CDC73: variants seen among roughly 807,000 people sequenced by gnomAD.
CDC73 encodes the protein parafibromin.
CDC73 carries 21 observed loss-of-function variants against 83.7 expected under a neutral mutation model. The observed-to-expected ratio is 0.25, with a 90% CI of 0.18 to 0.36. CDC73 has a LOEUF of 0.36. Among genes scored for constraint, CDC73 ranks in the 10% least tolerant of loss-of-function variants. The pLI, the probability that CDC73 is intolerant of heterozygous loss-of-function variation, is 1.00. For missense variants in CDC73, 342 were observed against 653.3 expected (o/e 0.52, Z 5.19); for synonymous variants, 224 against 212.9 (o/e 1.05, Z -0.45).
chr1:193,138,691 C>CT (rs912554617), intron 6 of CDC73, among the ~76,000 whole-genome samples: 6 of 148,680 alleles, frequency 4.0e-5, no homozygotes, highest in African/African-American at 9.9e-5. Context: ...ACATTCTTTT[C>CT]TTTTTTTTGG....
chr1:193,135,385 C>A lies in CDC73; in HGVS notation c.308-6C>A. Reference sequence around the variant, plus strand: ...AATCCTTACGTGAATCTTTTTATGTCTTCAGCAACATCGGCAAGTATAGAC... The same window carrying A: ...AATCCTTACGTGAATCTTTTTATGTATTCAGCAACATCGGCAAGTATAGAC... On this transcript the variant is annotated splice_polypyrimidine_tract_variant and splice_region_variant and intron_variant, in intron 3 of 16. Transcript: ENST00000367435. The A allele has an allele frequency of 6.2e-7, 1 of 1,610,398 alleles. No homozygotes were observed. Among genetic ancestry groups the A allele is most frequent in the Non-Finnish European group, 8.5e-7 (1 of 1,176,724 alleles).
chr1:193,225,125 C>A (rs553796985), intron 13 of CDC73, among the ~76,000 whole-genome samples: 1 of 151,784 alleles, frequency 6.6e-6, no homozygotes, highest in African/African-American at 2.4e-5. Context: ...CAAATGAGAT[C>A]ATTCGATGTT....
intron 6 of CDC73, 142 bp downstream of exon 6, chr1:193,138,315 ATG>A (rs1316032269): frequency 2.9e-5 from 20 of 688,784 alleles, no homozygotes; most frequent in Admixed American, 6.3e-5. Flanking sequence ...TCGTAAGAAC[ATG>A]TGTGGGGATT....
intron 14 of CDC73, among the ~76,000 whole-genome samples, 184 bp downstream of exon 14, chr1:193,233,338 G>C (rs1476078116): frequency 6.6e-6 from 1 of 152,176 alleles, no homozygotes; most frequent in Non-Finnish European, 1.5e-5. Context: ...TAGGACTACA[G>C]GTGCATGCCA....
At chr1:193,160,398 C>G (rs1350932717) in intron 10 of CDC73, among the ~76,000 whole-genome samples, 5 of 151,858 alleles carry the variant, frequency 3.3e-5, no homozygotes, top group Non-Finnish European at 7.4e-5. Context: ...ACACAGAAAC[C>G]AGTTTGGAAA....
chr1:193,162,349 CA>C (rs1157828250), intron 10 of CDC73, among the ~76,000 whole-genome samples: 3 of 132,556 alleles, frequency 2.3e-5, no homozygotes, highest in Non-Finnish European at 4.6e-5. Context: ...ATTATATATA[CA>C]TATATATTAT....
intron 12 of CDC73, 75 bp from the exon 13 acceptor site, chr1:193,212,315 C>A: frequency 1.0e-6 from 1 of 987,396 alleles, no homozygotes; most frequent in South Asian, 1.6e-5. Flanking sequence ...AATTTATAAT[C>A]TTTTAACTTT....
chr1:193,184,553 G>A (rs1313780483), intron 10 of CDC73, among the ~76,000 whole-genome samples: 1 of 151,804 alleles, frequency 6.6e-6, no homozygotes, highest in Non-Finnish European at 1.5e-5. Context: ...GTAAAATGCT[G>A]TTCAGTACAC....
chr1:193,224,409 A>G (rs1403219692), intron 13 of CDC73, among the ~76,000 whole-genome samples: 2 of 151,526 alleles, frequency 1.3e-5, no homozygotes, highest in Non-Finnish European at 2.9e-5. Flanking sequence ...ACATATACAC[A>G]TATGAAATAT....
At chr1:193,223,945 TAATA>T (rs1478146435) in intron 13 of CDC73, among the ~76,000 whole-genome samples, 1 of 151,856 alleles carries the variant, frequency 6.6e-6, no homozygotes, top group African/African-American at 2.4e-5. Flanking sequence ...TTATAATATG[TAATA>T]AATCAGGGTA....
chr1:193,219,687 A>G (rs1205954887), intron 13 of CDC73, among the ~76,000 whole-genome samples: 2 of 152,192 alleles, frequency 1.3e-5, no homozygotes, highest in African/African-American at 4.8e-5. Flanking sequence ...CATCGAGTAC[A>G]TGTTGGACAC....
At chr1:193,140,968 T>G (rs1675896383) in intron 6 of CDC73, 1 of 152,092 alleles carries the variant, frequency 6.6e-6, no homozygotes, top group African/African-American at 2.4e-5. Flanking sequence ...GCCAGATGCA[T>G]ATGAGCACTA....
rs546046048 is a variant in CDC73, at chr1:193,135,267, A to G, written c.308-124A>G. On this transcript the variant is annotated intron_variant, in intron 3 of 16. Transcript: ENST00000367435. ...TTTTGCAGAGCTGCTTTAAAACTGA[A>G]TTTTTTACCTAGAGAAAATCACCAT... 7.8e-5 allele frequency: 62 copies of G among 791,130 alleles called. No individual in the cohort carries two copies. In the South Asian group the frequency reaches 9.3e-4, roughly 12 times the overall value. The allele number at this position is 791,130 out of a possible 1,614,324, so 49.0% of individuals were successfully genotyped here. A position where few individuals can be genotyped will look rare whatever the true frequency, so the allele number is the denominator to read the frequency against.
chr1:193,125,836 GA>G (rs1675561245), intron 2 of CDC73, among the ~76,000 whole-genome samples: 1 of 151,734 alleles, frequency 6.6e-6, no homozygotes. Flanking sequence ...CAAATCAAAA[GA>G]ATGAAAGGTT....
chr1:193,131,021 A>G (rs1470680153), intron 3 of CDC73, among the ~76,000 whole-genome samples: 2 of 151,764 alleles, frequency 1.3e-5, no homozygotes, highest in African/African-American at 4.8e-5. Flanking sequence ...TCTCTAGGTG[A>G]TCTCTTTCAG....
intron 14 of CDC73, 57 bp downstream of exon 14, chr1:193,233,211 T>C: frequency 6.8e-7 from 1 of 1,468,394 alleles, no homozygotes; most frequent in African/African-American, 1.4e-5. Context: ...AGAGAATGAA[T>C]GTTGTTATTG....
At chr1:193,221,153 G>T (rs1428823483) in intron 13 of CDC73, among the ~76,000 whole-genome samples, 1 of 152,094 alleles carries the variant, frequency 6.6e-6, no homozygotes, top group Non-Finnish European at 1.5e-5. Flanking sequence ...AGTAAATAAA[G>T]AAAAAGAAAA....
intron 11 of CDC73, among the ~76,000 whole-genome samples, chr1:193,210,851 C>A (rs1470041937): frequency 6.6e-6 from 1 of 151,864 alleles, no homozygotes; most frequent in Non-Finnish European, 1.5e-5. Context: ...TATTTCTCAC[C>A]TAAAAAGAGA....
chr1:193,183,517 G>A (rs7529188), intron 10 of CDC73, among the ~76,000 whole-genome samples: 3,101 of 150,520 alleles, frequency 0.021, 106 homozygotes, highest in African/African-American at 0.071. Context: ...ACATAGTTCT[G>A]CTGTAAGCTA....
Sources: allele counts gnomAD v4.1 joint callset (sites outside exome capture counted in the v4.1 genomes callset), GRCh38; gene constraint gnomAD v4.1.1; transcripts MANE v1.5; gene names NCBI Gene and HGNC (gene_info 2026-07-23, HGNC 2026-07-21).